The following SEC31B variants were observed in gnomAD, a reference collection of about 807,000 sequenced individuals.
The protein encoded by SEC31B is protein transport protein Sec31B.
SEC31B carries 113 observed loss-of-function variants against 135.0 expected under a neutral mutation model. That is an observed-to-expected ratio of 0.84 (90% CI 0.72 to 0.98). SEC31B has a LOEUF of 0.98. Among genes scored for constraint, SEC31B ranks in the 50% least tolerant of loss-of-function variants. The pLI, the probability that SEC31B is intolerant of heterozygous loss-of-function variation, is 0.00. For synonymous variants in SEC31B, 508 were observed against 549.4 expected (o/e 0.92, Z 1.05); for missense variants, 1,296 against 1,421.1 (o/e 0.91, Z 1.42).
At chr10:100,495,157 C>T (rs549752057) in intron 19 of SEC31B, 32 of 508,014 alleles carry the variant, frequency 6.3e-5, no homozygotes, top group African/African-American at 2.9e-4. Context: ...ATCTATCTTT[C>T]GACTACACTA....
chr10:100,508,048 G>C lies in SEC31B; in HGVS notation c.499C>G (p.Pro167Ala), dbSNP rs112097675. 100 of 1,614,126 alleles carry C rather than the reference G, an allele frequency of 6.2e-5. 2 individuals carry two copies. The African/African-American group carries it at 8.8e-4, about 14-fold the overall frequency. ...GACAGTGCCTTGATGTCCTCTGGAG[G>C]CTGCTAAGGCAGGATGGGGACAGAA... The part of the protein sequence containing the change: ...PMTLGSKSQQ[P>A]PEDIKALSWN... Residue 167 changes from proline (P) to alanine (A), a missense_variant, in exon 6 of 26, where the codon CCT becomes GCT. Transcript: ENST00000370345.
At chr10:100,502,570 A>C in intron 10 of SEC31B, 86 bp from the exon 11 acceptor site, 4 of 801,862 alleles carry the variant, frequency 5.0e-6, no homozygotes, top group South Asian at 1.7e-5. Flanking sequence ...AGGCTATCTA[A>C]TGGCTGACCC....
chr10:100,507,869 G>A (rs1480999874), intron 6 of SEC31B, 39 bp downstream of exon 6: 3 of 1,613,530 alleles, frequency 1.9e-6, no homozygotes, highest in Non-Finnish European at 2.5e-6. Flanking sequence ...GGAGAGAGAA[G>A]CCAGAGCCCA....
At chr10:100,508,817 A>G (rs553248898) in intron 5 of SEC31B, 190 bp downstream of exon 5, 139 of 603,584 alleles carry the variant, frequency 2.3e-4, no homozygotes, top group Middle Eastern at 2.2e-3. Context: ...CAACTACCCC[A>G]TATACACCCT....
rs1851701081 is a variant in SEC31B at position 100,509,542 on chromosome 10, A to G, written c.204-31T>C. 1.1e-5 allele frequency: 17 copies of G among 1,555,532 alleles called. No individual in the cohort carries two copies. The East Asian group carries it at 3.9e-4, about 36-fold the overall frequency. ...AAGAGGAGGAACTGGCATCAGTACA[A>G]ACTTAGGTTCATGTCAGTAAGCACA... On this transcript the variant is annotated intron_variant, in intron 3 of 25. Coordinates refer to ENST00000370345, the MANE Select transcript of SEC31B (RefSeq NM_015490.4).
At chr10:100,505,702 A>G (rs1004271855) in intron 9 of SEC31B, 12 of 1,416,488 alleles carry the variant, frequency 8.5e-6, no homozygotes, top group Non-Finnish European at 1.1e-5. Flanking sequence ...TACTACATTC[A>G]AAGTCTACAA....
intron 11 of SEC31B, among the ~76,000 whole-genome samples, chr10:100,501,046 C>CA (rs896666930): frequency 1.9e-4 from 25 of 129,528 alleles, no homozygotes; most frequent in Admixed American, 1.0e-3. Context: ...GTCTCTACTA[C>CA]AAAAAAAATA....
chr10:100,514,246 GTTTATAAGATTATAC>G (rs1208607416), intron 3 of SEC31B, among the ~76,000 whole-genome samples: 6 of 152,090 alleles, frequency 3.9e-5, no homozygotes, highest in Non-Finnish European at 8.8e-5. Flanking sequence ...TCAAAATTCA[GTTTATAAGATTATAC>G]TGCCTCTTTC....
intron 1 of SEC31B, among the ~76,000 whole-genome samples, chr10:100,519,321 G>C (rs1851906923): frequency 6.6e-6 from 1 of 152,224 alleles, no homozygotes; most frequent in Non-Finnish European, 1.5e-5. Context: ...CCAATGAAAT[G>C]CTCGACAGAC....
intron 3 of SEC31B, among the ~76,000 whole-genome samples, chr10:100,512,178 G>C (rs576741566): frequency 6.6e-6 from 1 of 152,290 alleles, no homozygotes; most frequent in Admixed American, 6.5e-5. Context: ...GATAAAGGTA[G>C]AATGACAGAA....
chr10:100,514,672 G>A (rs1295161436), intron 3 of SEC31B, among the ~76,000 whole-genome samples: 4 of 151,856 alleles, frequency 2.6e-5, no homozygotes, highest in Admixed American at 2.0e-4. Flanking sequence ...AAAGAAAGAG[G>A]GTACTTCCAC....
At chr10:100,489,806 C>T in intron 21 of SEC31B, 45 bp from the exon 22 acceptor site, 1 of 1,612,762 alleles carries the variant, frequency 6.2e-7, no homozygotes, top group Non-Finnish European at 8.5e-7. Context: ...TAGTGAAAAA[C>T]ACTGGAAGTT....
In SEC31B at chr10:100,487,807, A is replaced by G. The variant is rs986188279; in HGVS notation, c.3361-12T>C. 1 of 1,613,712 alleles carries G rather than the reference A, an allele frequency of 6.2e-7. No homozygotes were observed. Among genetic ancestry groups the G allele is most frequent in the Non-Finnish European group, 8.5e-7 (1 of 1,179,940 alleles). On this transcript the variant is annotated splice_polypyrimidine_tract_variant and intron_variant, in intron 25 of 25. Coordinates refer to ENST00000370345, the MANE Select transcript of SEC31B (RefSeq NM_015490.4). ...ACATGAGGTGAGAGCTGTGGAGGGA[A>G]TGACCCTTAGGTTAGTGAGCCCAAC...
rs1223612529 is a variant in SEC31B, at chr10:100,497,258, T to C, written c.2013A>G (p.Glu671=). ...AGGTTAGTGCCCTGCTGCCCTCCTG[T>C]TCCATGCGAGTTCCCAGCATGTCTG... ...ELCDMLGTRM[E]QEGSRALTSE... The change falls in exon 17 of 26, where the codon GAA becomes GAG. Residue 671 remains glutamate, a synonymous_variant. Transcript: ENST00000370345. The C allele has an allele frequency of 6.2e-7, 1 of 1,614,024 alleles. No homozygotes were observed.
intron 3 of SEC31B, among the ~76,000 whole-genome samples, chr10:100,511,518 CCAGCTACT>C (rs1439375450): frequency 1.3e-5 from 2 of 152,140 alleles, no homozygotes; most frequent in Admixed American, 1.3e-4. Flanking sequence ...ACCTATAATC[CCAGCTACT>C]CAGGAGGCTG....
rs538903121 is a variant in SEC31B, at chr10:100,500,157, G to A, written c.1411-559C>T. ...TCCTTGCACCTGAGCTGTCTCTGGC[G>A]GGCTGAAGAAGAGAACTCTGAATTA... On this transcript the variant is annotated intron_variant, in intron 11 of 25. Coordinates refer to ENST00000370345, the MANE Select transcript of SEC31B (RefSeq NM_015490.4). The A allele has an allele frequency of 8.1e-5, 37 of 456,488 alleles. No homozygotes were observed. In the East Asian group the frequency reaches 1.9e-3, roughly 23 times the overall value. 28.3% of individuals were successfully genotyped at this position (456,488 alleles called of 1,614,324 possible).
At chr10:100,497,359 G>A (rs1468230749) in intron 16 of SEC31B, 79 bp from the exon 17 acceptor site, 29 of 1,580,256 alleles carry the variant, frequency 1.8e-5, no homozygotes, top group Non-Finnish European at 2.5e-5. Context: ...ACAGGGAGAG[G>A]ACCATGAGCC....
intron 11 of SEC31B, chr10:100,501,509 C>T (rs1851524093): frequency 6.6e-6 from 1 of 152,260 alleles, no homozygotes; most frequent in Admixed American, 6.6e-5. Context: ...CTGATGTCCA[C>T]CTTCATAAAG....
chr10:100,489,555 G>A (rs1486696419), intron 22 of SEC31B, 148 bp downstream of exon 22: 1 of 1,373,772 alleles, frequency 7.3e-7, no homozygotes, highest in African/African-American at 1.4e-5. Context: ...GAGGGAAAGA[G>A]AAAGAAGAGG....
Sources: gnomAD v4.1 joint callset for allele counts (sites outside exome capture counted in the v4.1 genomes callset) on GRCh38, gnomAD v4.1.1 for gene constraint, MANE v1.5 for transcripts, NCBI Gene and HGNC (gene_info 2026-07-23, HGNC 2026-07-21) for gene names.